GALNT13: variants seen among roughly 807,000 people sequenced by gnomAD.
GALNT13 encodes the protein UDP-GalNAc:polypeptide N-acetylgalactosaminyltransferase 13.
GALNT13 carries 28 observed loss-of-function variants against 64.2 expected under a neutral mutation model. That is an observed-to-expected ratio of 0.44 (90% CI 0.32 to 0.60). The LOEUF (loss-of-function observed/expected upper bound fraction) is 0.60, where lower values mean the gene tolerates loss of function less well. Among genes scored for constraint, GALNT13 ranks in the 20% least tolerant of loss-of-function variants. The pLI, the probability that GALNT13 is intolerant of heterozygous loss-of-function variation, is 0.05. For synonymous variants in GALNT13, 214 were observed against 224.6 expected (o/e 0.95, Z 0.42); for missense variants, 577 against 669.8 (o/e 0.86, Z 1.53).
At position 154,140,236 on chromosome 2, in the gene GALNT13, T is replaced by C. The variant is rs543386773; in HGVS notation, c.143-101T>C. 1.6e-4 allele frequency: 130 copies of C among 827,572 alleles called. No individual in the cohort carries two copies. In the South Asian group the frequency reaches 2.4e-3, roughly 15 times the overall value. 51.3% of individuals were successfully genotyped at this position (827,572 alleles called of 1,614,324 possible). On this transcript the variant is annotated intron_variant, in intron 3 of 12. Transcript: ENST00000392825. The stretch of plus-strand genomic sequence containing the variant: ...ATCATTATATTATAAAACCTGTATG[T>C]AAATAATATGCTTCAGAATCTAATC...
chr2:154,354,491 A>G lies in GALNT13; in HGVS notation c.1157-41500A>G, dbSNP rs561044465. On this transcript the variant is annotated intron_variant, in intron 9 of 12. Transcript: ENST00000392825. Reference sequence around the variant, plus strand: ...GTGTGATATCTAAAAAATCTTGGCCATGGCCATGTCAGTTTTTCCTCTACG... The same window carrying G: ...GTGTGATATCTAAAAAATCTTGGCCGTGGCCATGTCAGTTTTTCCTCTACG... 4.4e-5 allele frequency among the ~76,000 whole-genome samples: 5 copies of G among 112,816 alleles called. No individual in the cohort carries two copies. The South Asian group carries it at 1.5e-3, about 34-fold the overall frequency. 74.0% of individuals were successfully genotyped at this position (112,816 alleles called of 152,430 possible).
intron 3 of GALNT13, among the ~76,000 whole-genome samples, chr2:154,075,795 CACTA>C (rs34022084): frequency 0.19 from 28,500 of 151,406 alleles, 3,333 homozygotes; most frequent in Non-Finnish European, 0.26. Context: ...TCTCTAGTAT[CACTA>C]ACTAACTTTG....
chr2:153,445,152 C>G, the GALNT13 span, among the ~76,000 whole-genome samples: 1 of 152,026 alleles, frequency 6.6e-6, no homozygotes, highest in Non-Finnish European at 1.5e-5. Flanking sequence ...TCTAATCAAG[C>G]TGAATATCTT....
chr2:153,876,920 C>T (rs71417286), intron 1 of GALNT13, among the ~76,000 whole-genome samples: 29 of 152,176 alleles, frequency 1.9e-4, no homozygotes, highest in African/African-American at 4.1e-4. Flanking sequence ...TCAATGTCCA[C>T]GTAATTAGAG....
chr2:153,258,094 A>G, the GALNT13 span, among the ~76,000 whole-genome samples: 2 of 152,166 alleles, frequency 1.3e-5, no homozygotes, highest in Non-Finnish European at 1.5e-5. Context: ...ACTCAGCTTT[A>G]AAAAAAGTCT....
At chr2:153,795,733 T>C in the GALNT13 span, among the ~76,000 whole-genome samples, 1 of 152,172 alleles carries the variant, frequency 6.6e-6, no homozygotes, top group African/African-American at 2.4e-5. Context: ...ATTTCACATT[T>C]TTACCATCAG....
chr2:153,254,941 T>C, the GALNT13 span, among the ~76,000 whole-genome samples: 2 of 152,172 alleles, frequency 1.3e-5, no homozygotes, highest in African/African-American at 4.8e-5. Flanking sequence ...AAAATGTATA[T>C]TCTGTTGATT....
the GALNT13 span, among the ~76,000 whole-genome samples, chr2:153,506,058 T>C: frequency 2.6e-4 from 40 of 152,310 alleles, no homozygotes; most frequent in South Asian, 1.4e-3. Context: ...TTTAGGATTG[T>C]GATATTTTCC....
chr2:153,129,915 T>C, the GALNT13 span, among the ~76,000 whole-genome samples: 4 of 152,208 alleles, frequency 2.6e-5, no homozygotes, highest in Non-Finnish European at 2.9e-5. Context: ...TAAGTCTTTA[T>C]GACGTTTAAA....
chr2:153,070,772 G>C, the GALNT13 span, among the ~76,000 whole-genome samples: 1 of 152,126 alleles, frequency 6.6e-6, no homozygotes. Flanking sequence ...GCACACATAT[G>C]ACTCTGTATA....
the GALNT13 span, among the ~76,000 whole-genome samples, chr2:153,148,478 CTT>C: frequency 4.0e-4 from 54 of 135,618 alleles, no homozygotes; most frequent in Middle Eastern, 3.9e-3. Context: ...TCCATTTTTT[CTT>C]TTTTTTTTTT....
chr2:153,199,716 T>A, the GALNT13 span, among the ~76,000 whole-genome samples: 1 of 152,186 alleles, frequency 6.6e-6, no homozygotes, highest in Non-Finnish European at 1.5e-5. Flanking sequence ...CCTATGTTTA[T>A]GCTGTAAAAT....
intron 4 of GALNT13, among the ~76,000 whole-genome samples, chr2:154,196,753 A>G (rs1422602055): frequency 6.6e-6 from 1 of 152,212 alleles, no homozygotes; most frequent in Non-Finnish European, 1.5e-5. Context: ...ATAGATTTGG[A>G]CTTTCACAAT....
At chr2:154,403,940 G>A (rs1699413891) in intron 10 of GALNT13, among the ~76,000 whole-genome samples, 1 of 152,124 alleles carries the variant, frequency 6.6e-6, no homozygotes, top group Admixed American at 6.6e-5. Flanking sequence ...TAATGTTTTT[G>A]TTTGTAAAAC....
the GALNT13 span, among the ~76,000 whole-genome samples, chr2:153,663,348 T>A: frequency 6.6e-6 from 1 of 152,192 alleles, no homozygotes; most frequent in Non-Finnish European, 1.5e-5. Flanking sequence ...TTTTTAAGAT[T>A]TACTTTAAGT....
intron 3 of GALNT13, among the ~76,000 whole-genome samples, chr2:154,103,842 G>C (rs1473383105): frequency 6.6e-6 from 1 of 152,120 alleles, no homozygotes; most frequent in Non-Finnish European, 1.5e-5. Flanking sequence ...CCTGCTGTGG[G>C]AATGAGAGTG....
chr2:154,222,593 G>T (rs1426634558), intron 4 of GALNT13, among the ~76,000 whole-genome samples: 1 of 151,972 alleles, frequency 6.6e-6, no homozygotes, highest in East Asian at 1.9e-4. Context: ...CATTTTATGG[G>T]TACATTTCCC....
the GALNT13 span, among the ~76,000 whole-genome samples, chr2:153,170,480 G>A: frequency 0.053 from 8,044 of 152,218 alleles, 968 homozygotes; most frequent in East Asian, 0.45. Context: ...ATGTAAACAT[G>A]TGTTATAGCC....
At chr2:153,263,742 A>G in the GALNT13 span, among the ~76,000 whole-genome samples, 2 of 152,232 alleles carry the variant, frequency 1.3e-5, no homozygotes, top group African/African-American at 2.4e-5. Context: ...CTGGCTAGCC[A>G]TAGGCAGAAA....
Sources: allele counts gnomAD v4.1 joint callset (sites outside exome capture counted in the v4.1 genomes callset), GRCh38; gene constraint gnomAD v4.1.1; transcripts MANE v1.5; gene names NCBI Gene and HGNC (gene_info 2026-07-23, HGNC 2026-07-21).